PRKCB: variants seen among roughly 807,000 people sequenced by gnomAD.
PRKCB encodes protein kinase C beta type.
PRKCB carries 13 observed loss-of-function variants against 81.5 expected under a neutral mutation model. The ratio of observed to expected loss-of-function variants is 0.16; its 90% CI spans 0.10 to 0.25. The LOEUF is 0.25. Among genes scored for constraint, PRKCB ranks in the 10% least tolerant of loss-of-function variants. The pLI, the probability that PRKCB is intolerant of heterozygous loss-of-function variation, is 1.00. For missense variants in PRKCB, 509 were observed against 875.7 expected, an observed-to-expected ratio of 0.58 and a Z score of 5.29; for synonymous variants, 335 against 321.4, an observed-to-expected ratio of 1.04 and a Z score of -0.45.
intron 2 of PRKCB, among the ~76,000 whole-genome samples, chr16:23,929,234 CGAG>C (rs1963938863): frequency 6.6e-6 from 1 of 152,046 alleles, no homozygotes; most frequent in African/African-American, 2.4e-5. Context: ...GCAGAAAATA[CGAG>C]GAGGACTTTG....
intron 2 of PRKCB, among the ~76,000 whole-genome samples, chr16:23,871,164 G>A (rs1962896694): frequency 6.6e-6 from 1 of 152,216 alleles, no homozygotes; most frequent in South Asian, 2.1e-4. Context: ...TCAAGACATG[G>A]GGGATGGGCT....
intron 5 of PRKCB, among the ~76,000 whole-genome samples, chr16:24,047,092 A>G (rs1013250481): frequency 1.3e-5 from 2 of 152,070 alleles, no homozygotes. Context: ...TAATCCCAGC[A>G]CTTGGGGAGT....
intron 2 of PRKCB, chr16:23,869,058 C>T (rs1962857928): frequency 2.2e-6 from 1 of 449,550 alleles, no homozygotes; most frequent in Non-Finnish European, 4.5e-6. Flanking sequence ...GCTCCCACCT[C>T]ATACAAGGAT....
chr16:24,108,372 A>G (rs1423745326), intron 7 of PRKCB, among the ~76,000 whole-genome samples: 1 of 108,050 alleles, frequency 9.3e-6, no homozygotes, highest in Non-Finnish European at 2.0e-5. Flanking sequence ...TTTATTTTTT[A>G]TTGATAATTC....
At chr16:24,003,283 A>G (rs1254000520) in intron 3 of PRKCB, among the ~76,000 whole-genome samples, 17 of 151,720 alleles carry the variant, frequency 1.1e-4, no homozygotes, top group Admixed American at 1.1e-3. Flanking sequence ...GTCTTGCCTC[A>G]TTTGCTCCTG....
chr16:23,917,136 G>A (rs1462369910), intron 2 of PRKCB, among the ~76,000 whole-genome samples: 7 of 152,164 alleles, frequency 4.6e-5, no homozygotes, highest in South Asian at 2.1e-4. Flanking sequence ...TGCCCAGACC[G>A]GAGTGCAGTG....
intron 10 of PRKCB, among the ~76,000 whole-genome samples, chr16:24,157,129 G>A (rs951560787): frequency 2.0e-5 from 3 of 152,194 alleles, no homozygotes; most frequent in African/African-American, 7.2e-5. Flanking sequence ...GAATTAGAGA[G>A]TAGGGGCTGG....
intron 7 of PRKCB, among the ~76,000 whole-genome samples, chr16:24,101,920 T>C (rs1232857435): frequency 1.3e-5 from 2 of 152,190 alleles, no homozygotes; most frequent in African/African-American, 4.8e-5. Flanking sequence ...CTCCAGTTAT[T>C]CTAGGTTTCA....
chr16:23,891,119 C>A (rs1417528232), intron 2 of PRKCB, among the ~76,000 whole-genome samples: 1 of 151,910 alleles, frequency 6.6e-6, no homozygotes, highest in East Asian at 1.9e-4. Flanking sequence ...TCACTGCAGC[C>A]TCGACCTCCT....
At chr16:24,112,778 A>C (rs924193624) in intron 7 of PRKCB, among the ~76,000 whole-genome samples, 195 bp from the exon 8 acceptor site, 3 of 152,156 alleles carry the variant, frequency 2.0e-5, no homozygotes, top group Non-Finnish European at 4.4e-5. Context: ...ACAAAAATAC[A>C]TAGTGTACCT....
Position 24,215,361 on chromosome 16 carries a change from A to T in PRKCB, c.*545A>T, listed in dbSNP as rs1968209807. Reference sequence around the variant, plus strand: ...TTGTAAACTCAAAGTTAAGATGATCAAAGTTCTAAAATTCCAAGAATGTGC... The same window carrying T: ...TTGTAAACTCAAAGTTAAGATGATCTAAGTTCTAAAATTCCAAGAATGTGC... On this transcript the variant is annotated 3_prime_UTR_variant, in exon 17 of 17. Transcript: ENST00000643927. The T allele has an allele frequency of 1.0e-6, 1 of 986,070 alleles. No individual in the cohort carries two copies. Among genetic ancestry groups the T allele is most frequent in the South Asian group, 4.7e-5 (1 of 21,304 alleles). The allele number at this position is 986,070 out of a possible 1,614,324, so 61.1% of individuals were successfully genotyped here. A position where few individuals can be genotyped will look rare whatever the true frequency, so the allele number is the denominator to read the frequency against.
chr16:24,213,181 C>G (rs1968173114), intron 16 of PRKCB, among the ~76,000 whole-genome samples: 1 of 151,922 alleles, frequency 6.6e-6, no homozygotes, highest in East Asian at 1.9e-4. Flanking sequence ...ACTACAGGTG[C>G]CCATCACCAC....
chr16:23,842,541 G>A (rs570897659), intron 2 of PRKCB, among the ~76,000 whole-genome samples: 1 of 152,092 alleles, frequency 6.6e-6, no homozygotes, highest in Non-Finnish European at 1.5e-5. Flanking sequence ...CAGTGTCTGG[G>A]CCCAGAAACC....
chr16:23,923,423 G>T (rs1963853373), intron 2 of PRKCB, among the ~76,000 whole-genome samples: 1 of 151,966 alleles, frequency 6.6e-6, no homozygotes, highest in Non-Finnish European at 1.5e-5. Context: ...ATATCTCACA[G>T]GCTCTAAATT....
At chr16:24,110,014 C>T (rs1279781105) in intron 7 of PRKCB, among the ~76,000 whole-genome samples, 1 of 135,822 alleles carries the variant, frequency 7.4e-6, no homozygotes, top group Non-Finnish European at 1.5e-5. Flanking sequence ...GAGAGTCAGG[C>T]AGGGAGGTTG....
At chr16:24,182,873 T>TGTGTG (rs1555501178) in intron 13 of PRKCB, among the ~76,000 whole-genome samples, 2 of 133,518 alleles carry the variant, frequency 1.5e-5, no homozygotes, top group African/African-American at 6.1e-5. Flanking sequence ...ACATTGTTTC[T>TGTGTG]TGTGTGTGTG....
At position 24,018,474 on chromosome 16, in the gene PRKCB, G is replaced by A. The variant is rs188650018; in HGVS notation, c.289-13662G>A. 1.3e-3 allele frequency among the ~76,000 whole-genome samples: 205 copies of A among 152,264 alleles called. 2 individuals are homozygous for A. The highest frequency in any genetic ancestry group is 4.7e-3 in the African/African-American group (196 of 41,552). On this transcript the variant is annotated intron_variant, in intron 3 of 16. Coordinates refer to ENST00000643927, the MANE Select transcript of PRKCB (RefSeq NM_002738.7). Reference sequence around the variant, plus strand: ...TATTCCAGTTTCCACACAAGGAAACGAAAACTTAAAAGGGTTAAATAACTT... The same window carrying A: ...TATTCCAGTTTCCACACAAGGAAACAAAAACTTAAAAGGGTTAAATAACTT...
At chr16:23,962,429 C>A (rs1167463810) in intron 2 of PRKCB, among the ~76,000 whole-genome samples, 1 of 152,142 alleles carries the variant, frequency 6.6e-6, no homozygotes, top group Non-Finnish European at 1.5e-5. Context: ...GGTTTGTAAC[C>A]CTCTTTAGCA....
intron 14 of PRKCB, 91 bp from the exon 15 acceptor site, chr16:24,185,369 G>A: frequency 1.5e-6 from 2 of 1,295,256 alleles, no homozygotes; most frequent in Non-Finnish European, 2.2e-6. Context: ...CTTCACTGTG[G>A]GCCCCAGGGA....
Sources: allele counts gnomAD v4.1 joint callset (sites outside exome capture counted in the v4.1 genomes callset), GRCh38; gene constraint gnomAD v4.1.1; transcripts MANE v1.5; gene names NCBI Gene and HGNC (gene_info 2026-07-23, HGNC 2026-07-21).